The following NAALADL2 variants were observed in gnomAD, a reference collection of about 807,000 sequenced individuals.
NAALADL2 encodes inactive N-acetylated-alpha-linked acidic dipeptidase-like protein 2.
NAALADL2 carries 76 observed loss-of-function variants against 87.2 expected under a neutral mutation model. That is an observed-to-expected ratio of 0.87 (90% CI 0.72 to 1.05). NAALADL2 has a LOEUF of 1.05. NAALADL2 is among the 50% of genes least tolerant of loss of function. The pLI, the probability that NAALADL2 is intolerant of heterozygous loss-of-function variation, is 0.00. For synonymous variants in NAALADL2, 354 were observed against 331.0 expected, an observed-to-expected ratio of 1.07 and a Z score of -0.75; for missense variants, 1,089 against 945.8, an observed-to-expected ratio of 1.15 and a Z score of -1.99.
rs144037941 is a variant in NAALADL2 at position 175,642,826 on chromosome 3, G to A, written c.1896+15440G>A. On this transcript the variant is annotated intron_variant, in intron 11 of 13. Coordinates refer to ENST00000454872, the MANE Select transcript of NAALADL2 (RefSeq NM_207015.3). ...CAAATCTTTTTAGGAACTGTTTAGTGATGCTCAGAGGAAAGCAGCCCTATT... is the reference window on the plus strand; with the variant it reads ...CAAATCTTTTTAGGAACTGTTTAGTAATGCTCAGAGGAAAGCAGCCCTATT... 6.0e-3 allele frequency among the ~76,000 whole-genome samples: 908 copies of A among 152,266 alleles called. 9 individuals are homozygous for A. The highest frequency in any genetic ancestry group is 0.021 in the African/African-American group (869 of 41,574).
chr3:175,700,097 A>G (rs1738777151), intron 11 of NAALADL2, among the ~76,000 whole-genome samples: 1 of 152,172 alleles, frequency 6.6e-6, no homozygotes, highest in Admixed American at 6.6e-5. Context: ...TGTGTACTAC[A>G]GTGCTCTTTT....
chr3:175,432,210 AC>A (rs1717874801), intron 5 of NAALADL2, among the ~76,000 whole-genome samples: 1 of 151,976 alleles, frequency 6.6e-6, no homozygotes, highest in Non-Finnish European at 1.5e-5. Context: ...GAAAAGTTGG[AC>A]CCTCATATAT....
At chr3:174,451,543 A>T (rs1202607930) in intron 1 of NAALADL2, among the ~76,000 whole-genome samples, 1 of 152,176 alleles carries the variant, frequency 6.6e-6, no homozygotes, top group East Asian at 1.9e-4. Context: ...TTTATAATAA[A>T]AAACACCCAT....
chr3:174,726,267 A>G (rs755050426), intron 2 of NAALADL2, among the ~76,000 whole-genome samples: 11 of 152,156 alleles, frequency 7.2e-5, no homozygotes, highest in Non-Finnish European at 1.5e-4. Context: ...AAAAACACAC[A>G]TAAAGCCCTG....
chr3:175,075,024 C>T (rs73037203), intron 1 of NAALADL2, among the ~76,000 whole-genome samples: 3,728 of 152,084 alleles, frequency 0.025, 131 homozygotes, highest in African/African-American at 0.085. Flanking sequence ...AAACAATGGA[C>T]GAGACAGGGA....
At chr3:174,467,421 C>G (rs925795350) in intron 1 of NAALADL2, among the ~76,000 whole-genome samples, 1 of 151,076 alleles carries the variant, frequency 6.6e-6, no homozygotes, top group Non-Finnish European at 1.5e-5. Context: ...GGTGAAACCC[C>G]GTGGCTACTA....
At chr3:174,908,280 C>T (rs1043101114) in intron 1 of NAALADL2, among the ~76,000 whole-genome samples, 4 of 152,054 alleles carry the variant, frequency 2.6e-5, no homozygotes, top group Non-Finnish European at 4.4e-5. Flanking sequence ...CATGTCTTCA[C>T]ACCCCCAGGC....
In NAALADL2 at chr3:174,604,976, C is replaced by T. The variant is rs188564519; in HGVS notation, c.-115+54339C>T. On this transcript the variant is annotated intron_variant, in intron 2 of 3. Transcript: ENST00000434257. ...CAATATTGTCCAGGCTGATCTTGAA[C>T]TCCTGACCTCAGGTGATCCACCCAC... 1.1e-4 allele frequency among the ~76,000 whole-genome samples: 16 copies of T among 152,156 alleles called. No individual in the cohort carries two copies. The East Asian group carries it at 2.7e-3, about 26-fold the overall frequency.
intron 2 of NAALADL2, among the ~76,000 whole-genome samples, chr3:175,165,442 T>TA (rs1221516164): frequency 6.6e-6 from 1 of 151,952 alleles, no homozygotes; most frequent in African/African-American, 2.4e-5. Context: ...CTAAAAAAAT[T>TA]AAAAATTCAT....
At chr3:174,929,175 G>A (rs1290022529) in intron 1 of NAALADL2, among the ~76,000 whole-genome samples, 1 of 152,202 alleles carries the variant, frequency 6.6e-6, no homozygotes, top group Non-Finnish European at 1.5e-5. Flanking sequence ...GCTGGAAAGA[G>A]GGCAGTGTAT....
At chr3:175,229,526 A>C (rs1253926961) in intron 2 of NAALADL2, among the ~76,000 whole-genome samples, 1 of 152,040 alleles carries the variant, frequency 6.6e-6, no homozygotes, top group Non-Finnish European at 1.5e-5. Context: ...TTTATTTCTT[A>C]TAATTCTGGA....
chr3:174,774,490 C>T (rs1042480145), intron 3 of NAALADL2, among the ~76,000 whole-genome samples: 29 of 152,186 alleles, frequency 1.9e-4, no homozygotes, highest in African/African-American at 7.0e-4. Flanking sequence ...TGAACCAGTA[C>T]ATCCCAGAAG....
intron 5 of NAALADL2, among the ~76,000 whole-genome samples, chr3:175,404,920 T>C (rs1300961055): frequency 6.6e-6 from 1 of 152,170 alleles, no homozygotes; most frequent in Non-Finnish European, 1.5e-5. Context: ...TGAAATATGT[T>C]TCCAGGAAAA....
intron 9 of NAALADL2, among the ~76,000 whole-genome samples, chr3:175,556,475 TA>T (rs1273684193): frequency 6.6e-6 from 1 of 152,126 alleles, no homozygotes; most frequent in East Asian, 1.9e-4. Flanking sequence ...TAATATACCT[TA>T]AAAAATAGCT....
intron 11 of NAALADL2, among the ~76,000 whole-genome samples, chr3:175,729,717 G>C (rs1313494202): frequency 6.6e-6 from 1 of 151,004 alleles, no homozygotes; most frequent in Non-Finnish European, 1.5e-5. Flanking sequence ...TGCCAGATTC[G>C]CAAATCACTC....
intron 3 of NAALADL2, among the ~76,000 whole-genome samples, chr3:175,243,345 C>CAT (rs386356511): frequency 6.7e-6 from 1 of 149,122 alleles, no homozygotes; most frequent in Admixed American, 6.8e-5. Context: ...CACACACACA[C>CAT]GCACGCACAC....
chr3:174,701,790 T>A (rs1179005119), intron 2 of NAALADL2, among the ~76,000 whole-genome samples: 2 of 152,188 alleles, frequency 1.3e-5, no homozygotes, highest in African/African-American at 4.8e-5. Flanking sequence ...TTTTTTATTG[T>A]TGAGTAGTGT....
intron 5 of NAALADL2, among the ~76,000 whole-genome samples, chr3:175,379,191 CTTTTTT>C (rs67510422): frequency 7.0e-6 from 1 of 142,776 alleles, no homozygotes. Context: ...CTTCCTCTCT[CTTTTTT>C]TTTTTTTTTC....
chr3:174,882,151 T>C (rs544064661), intron 1 of NAALADL2, among the ~76,000 whole-genome samples: 16 of 152,114 alleles, frequency 1.1e-4, no homozygotes, highest in Non-Finnish European at 1.9e-4. Flanking sequence ...ATTTGAATTT[T>C]CCAGCCTTCT....
Sources: gnomAD v4.1 joint callset for allele counts (sites outside exome capture counted in the v4.1 genomes callset) on GRCh38, gnomAD v4.1.1 for gene constraint, MANE v1.5 for transcripts, NCBI Gene and HGNC (gene_info 2026-07-23, HGNC 2026-07-21) for gene names.